Variants in PTPRG observed in about 807,000 individuals in gnomAD.
The protein encoded by PTPRG is protein tyrosine phosphatase receptor type G, also known as receptor-type tyrosine-protein phosphatase gamma.
A neutral mutation model predicts 165.3 loss-of-function variants in PTPRG; 102 were observed. The ratio of observed to expected loss-of-function variants is 0.62; its 90% CI spans 0.53 to 0.73. The LOEUF (loss-of-function observed/expected upper bound fraction) is 0.73, where lower values mean the gene tolerates loss of function less well. Among genes scored for constraint, PTPRG ranks in the 30% least tolerant of loss-of-function variants. The pLI is 0.00. For synonymous variants in PTPRG, 675 were observed against 669.5 expected (o/e 1.01, Z -0.13); for missense variants, 1,866 against 1,861.4 (o/e 1.00, Z -0.05).
intron 2 of PTPRG, among the ~76,000 whole-genome samples, chr3:61,937,331 G>A (rs1452527762): frequency 6.6e-6 from 1 of 152,176 alleles, no homozygotes; most frequent in African/African-American, 2.4e-5. Flanking sequence ...TTTCACTGCT[G>A]TCGCAAAGTG....
intron 4 of PTPRG, among the ~76,000 whole-genome samples, chr3:62,076,933 A>G (rs9878639): frequency 0.028 from 4,255 of 152,244 alleles, 185 homozygotes; most frequent in African/African-American, 0.097. Context: ...AAAGTTGTAT[A>G]ATGATTCTGA....
chr3:61,658,767 G>A (rs1702580471), intron 1 of PTPRG, among the ~76,000 whole-genome samples: 1 of 152,172 alleles, frequency 6.6e-6, no homozygotes, highest in Non-Finnish European at 1.5e-5. Flanking sequence ...GGATGAGTTT[G>A]CTAGACACTC....
intron 2 of PTPRG, among the ~76,000 whole-genome samples, chr3:61,839,425 A>C (rs2036557127): frequency 6.6e-6 from 1 of 152,210 alleles, no homozygotes; most frequent in African/African-American, 2.4e-5. Flanking sequence ...ATCAACAAGG[A>C]AGATAAATGC....
intron 2 of PTPRG, chr3:61,749,267 C>T (rs568591486): frequency 3.5e-5 from 16 of 457,318 alleles, no homozygotes; most frequent in African/African-American, 1.2e-4. Context: ...TTCTGAAAGA[C>T]GTAGTCTTGT....
intron 1 of PTPRG, among the ~76,000 whole-genome samples, chr3:61,653,375 G>C (rs900315846): frequency 6.6e-6 from 1 of 151,388 alleles, no homozygotes; most frequent in African/African-American, 2.4e-5. Context: ...CCTGTTCCTT[G>C]TCATTTTTAG....
In PTPRG at chr3:62,271,112, C is replaced by A. The variant is rs1702044980; in HGVS notation, c.3010-271C>A. Among the ~76,000 whole-genome samples the A allele has an allele frequency of 6.7e-6, 1 of 150,092 alleles. No homozygotes were observed. Among genetic ancestry groups the A allele is most frequent in the African/African-American group, 2.4e-5 (1 of 41,214 alleles). On this transcript the variant is annotated intron_variant, in intron 20 of 29. Coordinates refer to ENST00000474889, the MANE Select transcript of PTPRG (RefSeq NM_002841.4). This position sits in a 1 kb window ranked among gnomAD's most constrained non-coding sequence, Gnocchi z 4.1. The stretch of plus-strand genomic sequence containing the variant: ...AAAAGTACAAGTGCTTTGGATAGTT[C>A]CAAATCCAAAAAAAACTGATACTAA...
At position 62,034,637 on chromosome 3, in the gene PTPRG, G is replaced by T. The variant is rs986931124; in HGVS notation, c.519+31140G>T. ...CTTACCAGCTGGTATACATTTCTCT[G>T]TTCTGATGGAAACTTGTATAGTCAG... On this transcript the variant is annotated intron_variant, in intron 4 of 29. Transcript: ENST00000474889. Among the ~76,000 whole-genome samples the T allele has an allele frequency of 3.9e-5, 6 of 152,218 alleles. No individual in the cohort carries two copies. The South Asian group carries it at 1.2e-3, about 32-fold the overall frequency.
chr3:61,878,949 G>T (rs2037814940), intron 2 of PTPRG, among the ~76,000 whole-genome samples: 1 of 152,152 alleles, frequency 6.6e-6, no homozygotes, highest in South Asian at 2.1e-4. Context: ...TCACTAACCT[G>T]TGCATACTAG....
At chr3:62,290,935 C>T (rs1262145385) in intron 28 of PTPRG, among the ~76,000 whole-genome samples, 1 of 152,062 alleles carries the variant, frequency 6.6e-6, no homozygotes, top group Non-Finnish European at 1.5e-5. Flanking sequence ...AACTGTACTT[C>T]CGTATAACAA....
At chr3:61,579,003 CCTCAGGCCCCATCTCGAGCCTTGGAAA>C (rs1700224713) in intron 1 of PTPRG, among the ~76,000 whole-genome samples, 1 of 152,120 alleles carries the variant, frequency 6.6e-6, no homozygotes, top group Non-Finnish European at 1.5e-5. Flanking sequence ...GCTGGAGGAT[CCTCAGGCCCCATCTCGAGCCTTGGAAA>C]CTCAGGGGAG....
intron 5 of PTPRG, among the ~76,000 whole-genome samples, chr3:62,080,011 A>G (rs1464581848): frequency 6.6e-6 from 1 of 151,136 alleles, no homozygotes; most frequent in Non-Finnish European, 1.5e-5. Flanking sequence ...TATGTTCTGG[A>G]CACTGCCCTG....
chr3:62,177,539 A>G (rs1304719711), intron 8 of PTPRG, among the ~76,000 whole-genome samples: 6 of 152,234 alleles, frequency 3.9e-5, no homozygotes, highest in African/African-American at 1.2e-4. Context: ...GTGTGAAGCC[A>G]GGCTGTTCGA....
At chr3:61,602,118 AGCCTTCTTGGGCTTCTGTTCAG>A (rs1227747342) in intron 1 of PTPRG, among the ~76,000 whole-genome samples, 2 of 151,516 alleles carry the variant, frequency 1.3e-5, no homozygotes, top group Non-Finnish European at 2.9e-5. Context: ...TGTTAATGGA[AGCCTTCTTGGGCTTCTGTTCAG>A]GCCTTCCTAG....
At chr3:62,158,997 CT>C (rs1249938795) in intron 7 of PTPRG, among the ~76,000 whole-genome samples, 1 of 151,396 alleles carries the variant, frequency 6.6e-6, no homozygotes, top group Non-Finnish European at 1.5e-5. Flanking sequence ...TTTCAAGATC[CT>C]TTTTTGTCAG....
chr3:61,798,626 T>TA (rs1319409387), intron 2 of PTPRG, among the ~76,000 whole-genome samples: 22 of 151,706 alleles, frequency 1.5e-4, no homozygotes, highest in South Asian at 4.2e-4. Flanking sequence ...CTGGTTTTTT[T>TA]TTTTTTTTTT....
Position 61,999,308 on chromosome 3 carries a change from A to G in PTPRG, c.371-4041A>G, listed in dbSNP as rs564375337. Among the ~76,000 whole-genome samples the G allele has an allele frequency of 8.6e-5, 13 of 151,838 alleles. No individual in the cohort carries two copies. In the East Asian group the frequency reaches 2.1e-3, roughly 25 times the overall value. On this transcript the variant is annotated intron_variant, in intron 3 of 29. Coordinates refer to ENST00000474889, the MANE Select transcript of PTPRG (RefSeq NM_002841.4). ...GTGATCCGCCCCCCTCAGCCTCCCA[A>G]AGCGCTGGGGTTATAAGCACAAGCC...
chr3:61,810,396 T>A (rs1379144632), intron 2 of PTPRG, among the ~76,000 whole-genome samples: 1 of 152,072 alleles, frequency 6.6e-6, no homozygotes, highest in Non-Finnish European at 1.5e-5. Context: ...ACCCTAAGAA[T>A]CTGAGGTAAG....
At chr3:61,989,136 C>T (rs181362023) in intron 2 of PTPRG, among the ~76,000 whole-genome samples, 1 of 152,262 alleles carries the variant, frequency 6.6e-6, no homozygotes, top group Admixed American at 6.5e-5. Flanking sequence ...TTATTGCCTC[C>T]ATGATTTGTA....
At position 61,676,456 on chromosome 3, in the gene PTPRG, C is replaced by CAAA. The variant is rs71629138; in HGVS notation, c.86-72406_86-72404dup. On this transcript the variant is annotated intron_variant, in intron 1 of 29. Coordinates refer to ENST00000474889, the MANE Select transcript of PTPRG (RefSeq NM_002841.4). The stretch of plus-strand genomic sequence containing the variant: ...TGGGCGACAGAGCCAGACTCCATCT[C>CAAA]AAAAAAAAAAAAAAAAAAGAAAATT... Among the ~76,000 whole-genome samples the CAAA allele has an allele frequency of 3.2e-3, 71 of 21,874 alleles. 9 individuals carry two copies. Among genetic ancestry groups the CAAA allele is most frequent in the African/African-American group, 7.3e-3 (50 of 6,892 alleles). 14.4% of individuals were successfully genotyped at this position (21,874 alleles called of 152,430 possible).
Sources: gnomAD v4.1 joint callset for allele counts (sites outside exome capture counted in the v4.1 genomes callset) on GRCh38, gnomAD v4.1.1 for gene constraint, Gnocchi (gnomAD v3.1) non-coding constraint, MANE v1.5 for transcripts, NCBI Gene and HGNC (gene_info 2026-07-23, HGNC 2026-07-21) for gene names.